The following COBL variants were observed in gnomAD, a reference collection of about 807,000 sequenced individuals.
COBL encodes the protein protein cordon-bleu.
Under a neutral mutation model 98.8 loss-of-function variants are expected in COBL, and 51 were observed. That is an observed-to-expected ratio of 0.52 (90% confidence interval 0.41 to 0.65). The LOEUF (loss-of-function observed/expected upper bound fraction) is 0.65. COBL is among the 30% of genes least tolerant of loss of function. The pLI, the probability that COBL is intolerant of heterozygous loss-of-function variation, is 0.00. For synonymous variants in COBL, 634 were observed against 651.7 expected (o/e 0.97, Z 0.41); for missense variants, 1,617 against 1,617.5 (o/e 1.00, Z 0.01).
intron 7 of COBL, among the ~76,000 whole-genome samples, chr7:51,075,896 A>C (rs913013574): frequency 2.6e-5 from 4 of 152,206 alleles, no homozygotes; most frequent in African/African-American, 7.2e-5. Context: ...ACAGGTTAAA[A>C]GTTCAGTTCC....
chr7:51,301,070 C>A (rs1056324814), intron 1 of COBL, among the ~76,000 whole-genome samples: 2 of 152,134 alleles, frequency 1.3e-5, no homozygotes, highest in Non-Finnish European at 2.9e-5. Flanking sequence ...TCACCCCGCA[C>A]GCTGAGATGA....
intron 1 of COBL, chr7:51,260,007 T>G: frequency 1.3e-6 from 1 of 764,022 alleles, no homozygotes; most frequent in South Asian, 1.4e-5. Flanking sequence ...CATATAGGAA[T>G]GATTCCAGTC....
At chr7:51,229,830 G>T (rs1477582402) in intron 1 of COBL, among the ~76,000 whole-genome samples, 1 of 152,108 alleles carries the variant, frequency 6.6e-6, no homozygotes, top group Admixed American at 6.5e-5. Context: ...CAAAGACACG[G>T]CCAAACTGCT....
intron 6 of COBL, among the ~76,000 whole-genome samples, chr7:51,102,678 G>A (rs1215909739): frequency 6.6e-6 from 1 of 152,110 alleles, no homozygotes; most frequent in Non-Finnish European, 1.5e-5. Flanking sequence ...ACAGAGCCTT[G>A]GTCTGTATAA....
chr7:51,221,875 G>A (rs1480930119), intron 1 of COBL, among the ~76,000 whole-genome samples: 2 of 152,158 alleles, frequency 1.3e-5, no homozygotes, highest in African/African-American at 2.4e-5. Context: ...GTAAAGTTAC[G>A]CACATTCACG....
chr7:51,073,316 T>C, intron 7 of COBL: 1 of 691,578 alleles, frequency 1.4e-6, no homozygotes. Flanking sequence ...CTGGGAAAGG[T>C]CCGAGGTCAG....
At chr7:51,038,746 A>G (rs1213223327) in intron 8 of COBL, among the ~76,000 whole-genome samples, 2 of 152,152 alleles carry the variant, frequency 1.3e-5, no homozygotes, top group African/African-American at 2.4e-5. Context: ...CTGCAAGCTG[A>G]AGATGTCTGG....
At chr7:51,197,525 A>G (rs1375537516) in intron 2 of COBL, among the ~76,000 whole-genome samples, 1 of 152,200 alleles carries the variant, frequency 6.6e-6, no homozygotes, top group Non-Finnish European at 1.5e-5. Context: ...GTAGCTGTCT[A>G]CCAGGTCCAT....
chr7:51,197,931 G>A (rs989595959), intron 2 of COBL, among the ~76,000 whole-genome samples: 4 of 152,146 alleles, frequency 2.6e-5, no homozygotes, highest in Non-Finnish European at 5.9e-5. Flanking sequence ...CAGGTTTCTT[G>A]AAGATAGCAT....
chr7:51,200,619 A>T lies in COBL; in HGVS notation c.246-7030T>A, dbSNP rs1791026824. On this transcript the variant is annotated intron_variant, in intron 2 of 12. Transcript: ENST00000265136. ...CTATGGTAACCACACACAAATACAC[A>T]CACGATGTACAGTAGATGCAAAAAA... Among the ~76,000 whole-genome samples the T allele has an allele frequency of 3.3e-5, 5 of 152,350 alleles. No homozygotes were observed. The South Asian group carries it at 1.0e-3, about 32-fold the overall frequency.
chr7:51,088,326 A>G (rs2128945250), intron 6 of COBL, among the ~76,000 whole-genome samples: 1 of 133,552 alleles, frequency 7.5e-6, no homozygotes, highest in South Asian at 2.4e-4. Flanking sequence ...ACTCTTGCCT[A>G]AATTTTTTCT....
chr7:51,141,893 A>G (rs1046944557), intron 5 of COBL, among the ~76,000 whole-genome samples: 1 of 152,132 alleles, frequency 6.6e-6, no homozygotes, highest in African/African-American at 2.4e-5. Context: ...AGTCTTGGGT[A>G]AGGGCAAGGC....
chr7:51,162,327 AT>A (rs1416107098), intron 5 of COBL, among the ~76,000 whole-genome samples: 1 of 152,224 alleles, frequency 6.6e-6, no homozygotes, highest in East Asian at 1.9e-4. Flanking sequence ...TTTCTGGAAA[AT>A]GTAAAATTCC....
chr7:51,279,406 CTA>C (rs1369719780), intron 1 of COBL, among the ~76,000 whole-genome samples: 1 of 152,206 alleles, frequency 6.6e-6, no homozygotes, highest in African/African-American at 2.4e-5. Flanking sequence ...AAATTTTTAA[CTA>C]TATTCACCAG....
intron 6 of COBL, among the ~76,000 whole-genome samples, chr7:51,133,538 C>T (rs1798944594): frequency 6.6e-6 from 1 of 152,182 alleles, no homozygotes; most frequent in Non-Finnish European, 1.5e-5. Context: ...TGAATCAGCG[C>T]TCAGGTGGGG....
intron 1 of COBL, among the ~76,000 whole-genome samples, chr7:51,251,582 T>C (rs897995734): frequency 6.6e-6 from 1 of 152,244 alleles, no homozygotes; most frequent in African/African-American, 2.4e-5. Context: ...TCAAGATCCT[T>C]GAAGGCAGGG....
At chr7:51,276,399 C>T (rs1799315985) in intron 1 of COBL, among the ~76,000 whole-genome samples, 1 of 152,208 alleles carries the variant, frequency 6.6e-6, no homozygotes, top group South Asian at 2.1e-4. Flanking sequence ...AAAGGAGTCA[C>T]CCTGTGGAAG....
chr7:51,232,693 C>A (rs1794871899), intron 1 of COBL, among the ~76,000 whole-genome samples: 1 of 152,048 alleles, frequency 6.6e-6, no homozygotes, highest in Admixed American at 6.6e-5. Context: ...CATCTGTAGT[C>A]CCAGACACTT....
At chr7:51,048,437 T>C (rs1178980383) in intron 7 of COBL, among the ~76,000 whole-genome samples, 1 of 152,178 alleles carries the variant, frequency 6.6e-6, no homozygotes, top group African/African-American at 2.4e-5. Flanking sequence ...GCAAAAATAT[T>C]TTGCCATTTA....
Sources: allele counts gnomAD v4.1 joint callset (sites outside exome capture counted in the v4.1 genomes callset), GRCh38; gene constraint gnomAD v4.1.1; transcripts MANE v1.5; gene names NCBI Gene and HGNC (gene_info 2026-07-23, HGNC 2026-07-21).